Variants in GALNT2 observed in about 807,000 individuals in gnomAD.
The protein encoded by GALNT2 is UDP-GalNAc:polypeptide N-acetylgalactosaminyltransferase 2.
In GALNT2, 31 loss-of-function variants were observed where a neutral mutation model predicts 81.4. The ratio of observed to expected loss-of-function variants is 0.38; its 90% confidence interval spans 0.29 to 0.51. The LOEUF (loss-of-function observed/expected upper bound fraction) is 0.51. Among genes scored for constraint, GALNT2 ranks in the 20% least tolerant of loss-of-function variants. The pLI is 0.87. For synonymous variants in GALNT2, 303 were observed against 287.4 expected (o/e 1.05, Z -0.55); for missense variants, 629 against 765.7 (o/e 0.82, Z 2.11).
chr1:230,155,622 C>T (rs1343515079), intron 1 of GALNT2, among the ~76,000 whole-genome samples: 2 of 152,182 alleles, frequency 1.3e-5, no homozygotes, highest in Non-Finnish European at 2.9e-5. Context: ...GTCCCATGGG[C>T]AGAGCTAGGT....
chr1:230,199,258 C>T (rs1663808741), intron 2 of GALNT2, among the ~76,000 whole-genome samples: 1 of 152,116 alleles, frequency 6.6e-6, no homozygotes, highest in Admixed American at 6.5e-5. Context: ...ACTCTGTGTA[C>T]CTCTCGCCAT....
chr1:230,092,179 T>TATTTTTG (rs1660106302), intron 1 of GALNT2: 2 of 106,336 alleles, frequency 1.9e-5, no homozygotes, highest in African/African-American at 8.1e-5. Flanking sequence ...TCCTTTAGTT[T>TATTTTTG]TTTTTTTTTT....
intron 14 of GALNT2, among the ~76,000 whole-genome samples, chr1:230,267,741 G>C (rs1666072989): frequency 1.3e-5 from 2 of 152,234 alleles, no homozygotes; most frequent in Admixed American, 1.3e-4. Flanking sequence ...GTGAAAGGAG[G>C]AGGAGCCAGC....
At chr1:230,246,742 G>A (rs371335354) in intron 8 of GALNT2, among the ~76,000 whole-genome samples, 49 of 152,076 alleles carry the variant, frequency 3.2e-4, no homozygotes, top group African/African-American at 1.1e-3. Context: ...GTCCCCTTCC[G>A]TTGGAATGAC....
chr1:230,096,095 G>T (rs916073574), intron 1 of GALNT2, among the ~76,000 whole-genome samples: 1 of 152,168 alleles, frequency 6.6e-6, no homozygotes, highest in African/African-American at 2.4e-5. Context: ...TTGCCCTGCT[G>T]CAGGGACTTT....
At position 230,275,705 on chromosome 1, in the gene GALNT2, ACACAC is replaced by A. The variant is rs1666282547; in HGVS notation, c.1560+1146_1560+1150del. Among the ~76,000 whole-genome samples, 3 of 149,940 alleles carry A rather than the reference ACACAC, an allele frequency of 2.0e-5. No homozygotes were observed. Among genetic ancestry groups the A allele is most frequent in the Non-Finnish European group, 4.5e-5 (3 of 67,222 alleles). On this transcript the variant is annotated intron_variant, in intron 15 of 15. Transcript: ENST00000366672. The surrounding 1 kb of genome is among the most constrained non-coding windows in gnomAD (Gnocchi z 5.5). ...ACATATGTAAACACCACATATATAT[ACACAC>A]CACATATACACACCACATATATATA...
At chr1:230,185,036 T>C (rs1278574110) in intron 2 of GALNT2, among the ~76,000 whole-genome samples, 1 of 152,234 alleles carries the variant, frequency 6.6e-6, no homozygotes, top group South Asian at 2.1e-4. Flanking sequence ...ATTAAAGACA[T>C]TCCTCATTCT....
intron 1 of GALNT2, among the ~76,000 whole-genome samples, chr1:230,152,694 A>G (rs1662128315): frequency 6.6e-6 from 1 of 152,210 alleles, no homozygotes; most frequent in Non-Finnish European, 1.5e-5. Flanking sequence ...AGAGAACTAG[A>G]TAATCCTTCT....
intron 1 of GALNT2, among the ~76,000 whole-genome samples, chr1:230,164,626 C>T (rs1164914782): frequency 6.6e-6 from 1 of 151,916 alleles, no homozygotes; most frequent in Non-Finnish European, 1.5e-5. Context: ...CTCTGCCTCC[C>T]AGGTTCAAGC....
intron 2 of GALNT2, among the ~76,000 whole-genome samples, chr1:230,187,751 G>A (rs1663381404): frequency 6.6e-6 from 1 of 152,168 alleles, no homozygotes; most frequent in Non-Finnish European, 1.5e-5. Context: ...GGGATGGGAA[G>A]CTAGAAAGGG....
intron 1 of GALNT2, among the ~76,000 whole-genome samples, chr1:230,107,790 T>G (rs1021920778): frequency 6.6e-6 from 1 of 152,214 alleles, no homozygotes; most frequent in Non-Finnish European, 1.5e-5. Context: ...AGACGATGTT[T>G]ATCACACTCA....
chr1:230,167,961 A>C (rs947671490), intron 1 of GALNT2, among the ~76,000 whole-genome samples: 8 of 151,510 alleles, frequency 5.3e-5, no homozygotes, highest in African/African-American at 1.9e-4. Flanking sequence ...TTTCTAAAAT[A>C]CCCCCCCCTT....
intron 2 of GALNT2, among the ~76,000 whole-genome samples, chr1:230,194,107 G>A (rs1439658744): frequency 6.6e-6 from 1 of 152,232 alleles, no homozygotes; most frequent in East Asian, 1.9e-4. Flanking sequence ...GTTACGGGAG[G>A]GAGAAGAAAT....
intron 6 of GALNT2, among the ~76,000 whole-genome samples, chr1:230,239,216 G>A (rs1335209991): frequency 6.6e-6 from 1 of 151,858 alleles, no homozygotes; most frequent in Non-Finnish European, 1.5e-5. Flanking sequence ...GCTGTTCATC[G>A]ACGCTGTTCA....
chr1:230,274,970 A>G (rs1407287008), intron 15 of GALNT2, among the ~76,000 whole-genome samples: 4 of 135,678 alleles, frequency 2.9e-5, no homozygotes, highest in African/African-American at 1.0e-4. Flanking sequence ...TACACACCAC[A>G]TATATATACA....
chr1:230,226,089 G>A (rs1040481920), intron 3 of GALNT2, among the ~76,000 whole-genome samples: 1 of 152,174 alleles, frequency 6.6e-6, no homozygotes, highest in African/African-American at 2.4e-5. Flanking sequence ...AGGAGCATGC[G>A]CCCAGCCTGC....
intron 1 of GALNT2, among the ~76,000 whole-genome samples, chr1:230,156,999 C>T (rs1287467469): frequency 6.6e-6 from 1 of 152,146 alleles, no homozygotes; most frequent in Non-Finnish European, 1.5e-5. Context: ...GAAACTATCA[C>T]GAAAGAGGTA....
At chr1:230,105,628 C>T (rs753432755) in intron 1 of GALNT2, among the ~76,000 whole-genome samples, 1 of 152,086 alleles carries the variant, frequency 6.6e-6, no homozygotes, top group African/African-American at 2.4e-5. Flanking sequence ...GTGGTCAGCA[C>T]GGATGAGGTG....
Position 230,271,363 on chromosome 1 carries a change from C to A in GALNT2, c.1441-3082C>A, listed in dbSNP as rs1193151013. 6.6e-6 allele frequency among the ~76,000 whole-genome samples: 1 copy of A among 152,358 alleles called. No homozygotes were observed. Among genetic ancestry groups the A allele is most frequent in the East Asian group, 1.9e-4 (1 of 5,188 alleles). On this transcript the variant is annotated intron_variant, in intron 14 of 15. Transcript: ENST00000366672. This position sits in a 1 kb window ranked among gnomAD's most constrained non-coding sequence, Gnocchi z 4.2. Reference sequence around the variant, plus strand: ...CTTTATACTCTCACAAAACTTCTCACCTCTGACACCAGCCCTGTGGGCTTT... The same window carrying A: ...CTTTATACTCTCACAAAACTTCTCAACTCTGACACCAGCCCTGTGGGCTTT...
Sources: allele counts gnomAD v4.1 joint callset (sites outside exome capture counted in the v4.1 genomes callset), GRCh38; gene constraint gnomAD v4.1.1; non-coding constraint Gnocchi (gnomAD v3.1); transcripts MANE v1.5; gene names NCBI Gene and HGNC (gene_info 2026-07-23, HGNC 2026-07-21).